CCDC88A: variants seen among roughly 807,000 people sequenced by gnomAD.
CCDC88A encodes coiled-coil and HOOK domain protein 88A, also known as girdin.
CCDC88A carries 54 observed loss-of-function variants against 234.3 expected under a neutral mutation model. The observed-to-expected ratio is 0.23, with a 90% CI of 0.19 to 0.29. The LOEUF is 0.29. Among genes scored for constraint, CCDC88A ranks in the 10% least tolerant of loss-of-function variants. The pLI, the probability that CCDC88A is intolerant of heterozygous loss-of-function variation, is 1.00. For missense variants in CCDC88A, 1,832 were observed against 2,123.4 expected (o/e 0.86, Z 2.70); for synonymous variants, 753 against 737.8 (o/e 1.02, Z -0.33).
intron 3 of CCDC88A, 105 bp from the exon 4 acceptor site, chr2:55,374,988 T>C (rs746518316): frequency 7.1e-5 from 47 of 658,018 alleles, no homozygotes; most frequent in Middle Eastern, 3.0e-4. Context: ...GTGTGCTATA[T>C]TGCAATTAAA....
Position 55,328,344 on chromosome 2 carries a change from A to C in CCDC88A, c.2947T>G (p.Leu983Val). The C allele has an allele frequency of 1.2e-6, 2 of 1,602,124 alleles. No homozygotes were observed. The highest frequency in any genetic ancestry group is 1.7e-6 in the Non-Finnish European group (2 of 1,175,284). Residue 983 changes from leucine (L) to valine (V), a missense_variant, in exon 17 of 33, where the codon TTA (leucine) becomes GTA (valine). Transcript: ENST00000436346. The surrounding 1 kb of genome is among the most constrained non-coding windows in gnomAD (Gnocchi z 4.3). ...TGGTTATAATTCGTGGATTCTTCTA[A>C]TCGAGCTTCTAAAGCAGCAATTTTT... ...EEKIAALEARLEESTNYNQQL... is the reference protein window; with the variant it reads ...EEKIAALEARVEESTNYNQQL...
intron 23 of CCDC88A, among the ~76,000 whole-genome samples, chr2:55,312,176 A>G (rs906579671): frequency 2.0e-5 from 3 of 152,142 alleles, no homozygotes; most frequent in Non-Finnish European, 2.9e-5. Flanking sequence ...GGCCTCCTAC[A>G]TATACTTCCA....
chr2:55,371,139 C>A (rs1672791117), intron 5 of CCDC88A, among the ~76,000 whole-genome samples: 1 of 152,142 alleles, frequency 6.6e-6, no homozygotes, highest in Non-Finnish European at 1.5e-5. Flanking sequence ...ACGCAACATT[C>A]ACCAACACAG....
At chr2:55,329,416 A>C (rs750819837) in intron 16 of CCDC88A, 1 of 152,182 alleles carries the variant, frequency 6.6e-6, no homozygotes, top group African/African-American at 2.4e-5. Flanking sequence ...TTTTCTTCTC[A>C]ATCAGATTTT....
At chr2:55,384,949 G>A (rs533834964) in intron 3 of CCDC88A, among the ~76,000 whole-genome samples, 5 of 151,902 alleles carry the variant, frequency 3.3e-5, no homozygotes, top group Non-Finnish European at 5.9e-5. Flanking sequence ...GAGCTACCGC[G>A]CCTGGCTAAA....
rs991734239 is a variant in CCDC88A at position 55,294,497 on chromosome 2, CTATT to C, written c.5551+1096_5551+1099del. ...GTTATATAAAGTGTTGAATTATTAA[CTATT>C]TCTTTAAAACAGGACAGATGGCCTA... On this transcript the variant is annotated intron_variant, in intron 31 of 32. Transcript: ENST00000436346. 1.5e-5 allele frequency: 14 copies of C among 932,960 alleles called. No individual in the cohort carries two copies. In the Admixed American group the frequency reaches 1.9e-4, roughly 12 times the overall value. 57.8% of individuals were successfully genotyped at this position (932,960 alleles called of 1,614,324 possible).
chr2:55,379,883 A>T lies in CCDC88A; in HGVS notation c.274-5000T>A, dbSNP rs569483416. 2.0e-5 allele frequency among the ~76,000 whole-genome samples: 3 copies of T among 152,112 alleles called. No individual in the cohort carries two copies. The East Asian group carries it at 5.8e-4, about 29-fold the overall frequency. ...AGCCAAGATTGTGCCATCGCACTCC[A>T]GCCAAGGCAACAAGAGTGAAACTCC... is the stretch of plus-strand genomic sequence containing the variant. On this transcript the variant is annotated intron_variant, in intron 3 of 32. Transcript: ENST00000436346.
intron 2 of CCDC88A, among the ~76,000 whole-genome samples, chr2:55,395,762 G>A (rs1419547633): frequency 6.6e-6 from 1 of 152,174 alleles, no homozygotes; most frequent in African/African-American, 2.4e-5. Context: ...TACAATTTGA[G>A]ATCTGCAGAA....
intron 25 of CCDC88A, among the ~76,000 whole-genome samples, chr2:55,303,673 G>A (rs190793551): frequency 7.4e-4 from 113 of 152,218 alleles, no homozygotes; most frequent in African/African-American, 2.5e-3. Flanking sequence ...GAGCCACCAC[G>A]CCCGGCCTGA....
At chr2:55,300,194 T>C in intron 28 of CCDC88A, 1 of 355,748 alleles carries the variant, frequency 2.8e-6, no homozygotes, top group East Asian at 6.0e-5. Flanking sequence ...AGTGTTTTAG[T>C]TAAATAGAAT....
In CCDC88A at chr2:55,373,205, A is replaced by C. The variant is rs146296277; in HGVS notation, c.344-695T>G. ...GGCCAATCTGTCTATGAAAAAGTCCAAATCTTCTTATCAGACATTTCCTTC... is the reference window on the plus strand; with the variant it reads ...GGCCAATCTGTCTATGAAAAAGTCCCAATCTTCTTATCAGACATTTCCTTC... On this transcript the variant is annotated intron_variant, in intron 4 of 32. Transcript: ENST00000436346. Among the ~76,000 whole-genome samples the C allele has an allele frequency of 7.9e-5, 12 of 152,330 alleles. 1 individual carries two copies. The East Asian group carries it at 2.3e-3, about 29-fold the overall frequency.
intron 3 of CCDC88A, among the ~76,000 whole-genome samples, chr2:55,387,779 C>CAAAAAAAAAAAA (rs66479611): frequency 2.4e-3 from 153 of 64,736 alleles, no homozygotes; most frequent in East Asian, 3.0e-3. Context: ...GGCTCCATCT[C>CAAAAAAAAAAAA]AAAAAAAAAA....
intron 2 of CCDC88A, among the ~76,000 whole-genome samples, chr2:55,395,693 G>C (rs1308573277): frequency 6.6e-6 from 1 of 152,144 alleles, no homozygotes; most frequent in Non-Finnish European, 1.5e-5. Flanking sequence ...TGGCAGCCTG[G>C]AATAGGTACT....
intron 2 of CCDC88A, among the ~76,000 whole-genome samples, chr2:55,401,470 A>ATATG (rs367863063): frequency 3.2e-5 from 1 of 31,518 alleles, no homozygotes. Flanking sequence ...ATATATACAT[A>ATATG]TGTGTGTGTA....
intron 3 of CCDC88A, among the ~76,000 whole-genome samples, chr2:55,378,456 C>G (rs72799557): frequency 6.6e-6 from 1 of 152,272 alleles, no homozygotes; most frequent in Non-Finnish European, 1.5e-5. Flanking sequence ...TCAAAACACC[C>G]AGGCTTAAAT....
intron 6 of CCDC88A, 69 bp downstream of exon 6, chr2:55,363,881 T>C (rs114386931): frequency 0.068 from 52,684 of 772,770 alleles, 2,211 homozygotes; most frequent in Non-Finnish European, 0.088. Flanking sequence ...TGAAGTATTT[T>C]AGGAGATAGA....
chr2:55,415,038 G>A (rs1681124678), intron 2 of CCDC88A, among the ~76,000 whole-genome samples: 1 of 146,714 alleles, frequency 6.8e-6, no homozygotes, highest in African/African-American at 2.5e-5. Flanking sequence ...CTGCACTCCC[G>A]CCTGGGCATG....
At chr2:55,399,592 AGAATTTTT>A (rs1468660991) in intron 2 of CCDC88A, 1 of 151,902 alleles carries the variant, frequency 6.6e-6, no homozygotes, top group Non-Finnish European at 1.5e-5. Context: ...AATACAGCAG[AGAATTTTT>A]GTTTGTCACT....
Position 55,301,066 on chromosome 2 carries a change from A to C in CCDC88A, c.4744+140T>G. 4 of 609,722 alleles carry C rather than the reference A, an allele frequency of 6.6e-6. No individual in the cohort carries two copies. In the South Asian group the frequency reaches 7.9e-5, roughly 12 times the overall value. 37.8% of individuals were successfully genotyped at this position (609,722 alleles called of 1,614,324 possible). ...CAGAAGGGAGTATTAGGTTTGAAGA[A>C]ATGGTAGAGGTAACTATGAGATGCA... On this transcript the variant is annotated intron_variant, in intron 28 of 32. Coordinates refer to ENST00000436346, the MANE Select transcript of CCDC88A (RefSeq NM_001365480.1).
Sources: allele counts gnomAD v4.1 joint callset (sites outside exome capture counted in the v4.1 genomes callset), GRCh38; gene constraint gnomAD v4.1.1; non-coding constraint Gnocchi (gnomAD v3.1); transcripts MANE v1.5; gene names NCBI Gene and HGNC (gene_info 2026-07-23, HGNC 2026-07-21).